EVC2: variants seen among roughly 807,000 people sequenced by gnomAD.
The protein encoded by EVC2 is limbin.
A neutral mutation model predicts 149.3 loss-of-function variants in EVC2; 148 were observed. The ratio of observed to expected loss-of-function variants is 0.99; its 90% CI spans 0.87 to 1.14. EVC2 has a LOEUF of 1.14. Ranked by LOEUF, EVC2 falls within the 50% of genes most tolerant of loss-of-function variation. The pLI, the probability that EVC2 is intolerant of heterozygous loss-of-function variation, is 0.00. For missense variants in EVC2, 1,854 were observed against 1,627.3 expected (o/e 1.14, Z -2.40); for synonymous variants, 776 against 649.9 (o/e 1.19, Z -2.95).
At position 5,584,762 on chromosome 4, in the gene EVC2, T is replaced by A. The variant is rs765539605; in HGVS notation, c.2918A>T (p.Gln973Leu). Residue 973 changes from glutamine (Q) to leucine (L), a missense_variant, in exon 17 of 22, where the codon CAG becomes CTG. By Grantham distance (113) the Gln-to-Leu change is moderately radical. Coordinates refer to ENST00000344408, the MANE Select transcript of EVC2 (RefSeq NM_147127.5). ...AGTCTCGGTCACCCGGGACGCCTTC[T>A]GGAACTGCAGAGCAACAAGCGACTG... Reference protein sequence around the residue: ...FAQSLVALQFQKASRVTETLS... With the variant: ...FAQSLVALQFLKASRVTETLS... The A allele has an allele frequency of 6.2e-7, 1 of 1,614,196 alleles. No homozygotes were observed. The highest frequency in any genetic ancestry group is 1.1e-5 in the South Asian group (1 of 91,084).
chr4:5,674,373 C>G (rs940822574), intron 7 of EVC2, among the ~76,000 whole-genome samples: 4 of 152,160 alleles, frequency 2.6e-5, no homozygotes, highest in Admixed American at 2.0e-4. Context: ...TTCCCAGAGC[C>G]TCCCTGGACA....
chr4:5,708,581 G>A (rs1577285344), upstream of EVC2: 1 of 1,141,356 alleles, frequency 8.8e-7, no homozygotes, highest in Non-Finnish European at 1.2e-6. Context: ...CGGACCCCAG[G>A]CCCGCCCCGC....
At position 5,622,806 on chromosome 4, in the gene EVC2, A is replaced by C. The variant is rs1577170483; in HGVS notation, c.2232T>G (p.Phe744Leu). Residue 744 changes from phenylalanine to leucine, a missense_variant, in exon 14 of 22, where the codon TTT becomes TTG. By Grantham distance (22) the Phe-to-Leu change is conservative (BLOSUM62 0). Transcript: ENST00000344408. This position sits in a 1 kb window ranked among gnomAD's most constrained non-coding sequence, Gnocchi z 5.8. ...DDLRTLTLSLFEKATDELRRL... is the reference protein window; with the variant it reads ...DDLRTLTLSLLEKATDELRRL... ...GCCGCAGCTCGTCGGTGGCCTTTTCAAACAGCGAAAGGGTCAGGGTCCTGA... is the reference window on the plus strand; with the variant it reads ...GCCGCAGCTCGTCGGTGGCCTTTTCCAACAGCGAAAGGGTCAGGGTCCTGA... 6.2e-7 allele frequency: 1 copy of C among 1,614,004 alleles called. No individual in the cohort carries two copies. Among genetic ancestry groups the C allele is most frequent in the Non-Finnish European group, 8.5e-7 (1 of 1,180,002 alleles).
intron 20 of EVC2, among the ~76,000 whole-genome samples, chr4:5,566,625 G>A (rs1201459975): frequency 1.3e-5 from 2 of 152,190 alleles, no homozygotes; most frequent in Non-Finnish European, 2.9e-5. Flanking sequence ...CAGAGATTGG[G>A]TTAGTGGCCT....
intron 11 of EVC2, among the ~76,000 whole-genome samples, chr4:5,630,709 C>G (rs1247673936): frequency 6.6e-6 from 1 of 152,144 alleles, no homozygotes; most frequent in Non-Finnish European, 1.5e-5. Context: ...CCTGACTCTG[C>G]CAGATGCTGC....
chr4:5,531,243 G>A, the EVC2 span, among the ~76,000 whole-genome samples: 1 of 152,132 alleles, frequency 6.6e-6, no homozygotes. Flanking sequence ...GTATTACCCA[G>A]GGCGCTCCAG....
chr4:5,575,753 C>T (rs561828688), intron 18 of EVC2, among the ~76,000 whole-genome samples: 5 of 152,234 alleles, frequency 3.3e-5, no homozygotes, highest in South Asian at 2.1e-4. Flanking sequence ...TGAAAAACAA[C>T]GCAAAGAACA....
Position 5,562,712 on chromosome 4 carries a change from A to G in EVC2, c.*136T>C. The G allele has an allele frequency of 6.5e-7, 1 of 1,547,540 alleles. No individual in the cohort carries two copies. Among genetic ancestry groups the G allele is most frequent in the East Asian group, 2.3e-5 (1 of 43,844 alleles). On this transcript the variant is annotated 3_prime_UTR_variant, in exon 22 of 22. Transcript: ENST00000344408. This position sits in a 1 kb window ranked among gnomAD's most constrained non-coding sequence, Gnocchi z 4.3. ...TTAAACCGAGTCCCTGCAAGTTGGCATGCGCTACGGGGTCTGTGCCTTCTG... is the reference window on the plus strand; with the variant it reads ...TTAAACCGAGTCCCTGCAAGTTGGCGTGCGCTACGGGGTCTGTGCCTTCTG...
At chr4:5,655,797 G>A (rs1301089559) in intron 9 of EVC2, among the ~76,000 whole-genome samples, 1 of 151,258 alleles carries the variant, frequency 6.6e-6, no homozygotes, top group South Asian at 2.1e-4. Context: ...GAGGGAGGGA[G>A]GGAGGGAGGA....
intron 8 of EVC2, 151 bp from the exon 9 acceptor site, chr4:5,663,397 G>A (rs1301794636): frequency 2.8e-5 from 28 of 987,830 alleles, no homozygotes; most frequent in Admixed American, 1.1e-4. Context: ...AAGCTTTTGC[G>A]AATGTCCCTG....
In EVC2 at chr4:5,614,215, A is replaced by G. The variant is rs1336516900; in HGVS notation, c.2829+1207T>C. Among the ~76,000 whole-genome samples the G allele has an allele frequency of 6.6e-6, 1 of 152,106 alleles. No individual in the cohort carries two copies. Among genetic ancestry groups the G allele is most frequent in the African/African-American group, 2.4e-5 (1 of 41,428 alleles). ...CTACAGTCCACCCTGCTGCCAGCCT[A>G]CTTCACCTGTAAGGTCACATTATCT... On this transcript the variant is annotated intron_variant, in intron 16 of 21. Transcript: ENST00000344408. This position sits in a 1 kb window ranked among gnomAD's most constrained non-coding sequence, Gnocchi z 4.7.
chr4:5,588,896 A>T (rs961222491), intron 16 of EVC2, among the ~76,000 whole-genome samples: 7 of 152,238 alleles, frequency 4.6e-5, no homozygotes, highest in Non-Finnish European at 8.8e-5. Context: ...TGAGCAGTAC[A>T]ATATAAATAA....
chr4:5,606,429 A>G (rs1379485670), intron 16 of EVC2, among the ~76,000 whole-genome samples: 1 of 152,220 alleles, frequency 6.6e-6, no homozygotes, highest in African/African-American at 2.4e-5. Flanking sequence ...TCACCTTGGT[A>G]GTGGGAGTAA....
At chr4:5,548,311 T>C (rs1721659940) in intron 21 of EVC2, among the ~76,000 whole-genome samples, 1 of 150,612 alleles carries the variant, frequency 6.6e-6, no homozygotes, top group African/African-American at 2.4e-5. Context: ...TCAAAACTTC[T>C]CTTCACCTGG....
chr4:5,642,575 C>A (rs13127104), intron 9 of EVC2, among the ~76,000 whole-genome samples: 6,363 of 152,264 alleles, frequency 0.042, 193 homozygotes, highest in Middle Eastern at 0.095. Context: ...TTTTACAGAG[C>A]TCTAGATACT....
At position 5,574,771 on chromosome 4, in the gene EVC2, A is replaced by T. The variant is rs762129092; in HGVS notation, c.3274T>A (p.Leu1092Met). The T allele has an allele frequency of 6.8e-6, 11 of 1,614,012 alleles. No homozygotes were observed. Among genetic ancestry groups the T allele is most frequent in the African/African-American group, 1.3e-5 (1 of 74,936 alleles). ...QTLLEQHQQC[L>M]REEQQNSVVL... ...ACACTGTTCTGTTGTTCCTCTCTCA[A>T]ACTGGAGTGAAAATAAAATATACGT... Residue 1092 changes from leucine to methionine, a missense_variant and splice_region_variant, in exon 19 of 22, where the codon TTG (leucine) becomes ATG (methionine). Physicochemically the swap from Leu to Met is conservative, Grantham distance 15 (BLOSUM62 2). Coordinates refer to ENST00000344408, the MANE Select transcript of EVC2 (RefSeq NM_147127.5).
At chr4:5,643,856 C>T (rs981635223) in intron 9 of EVC2, among the ~76,000 whole-genome samples, 4 of 152,040 alleles carry the variant, frequency 2.6e-5, no homozygotes, top group Non-Finnish European at 4.4e-5. Context: ...GATTGCACCA[C>T]GGCACTCCAG....
intron 1 of EVC2, among the ~76,000 whole-genome samples, chr4:5,704,986 A>T (rs1412819661): frequency 6.6e-6 from 1 of 152,182 alleles, no homozygotes; most frequent in East Asian, 1.9e-4. Context: ...TTGGGATTAC[A>T]GGCGTGAGCT....
chr4:5,681,199 G>A (rs1720315655), intron 7 of EVC2, 61 bp downstream of exon 7: 1 of 1,583,298 alleles, frequency 6.3e-7, no homozygotes, highest in African/African-American at 1.3e-5. Context: ...TCCAAGGACA[G>A]GCAGGACCCA....
Sources: gnomAD v4.1 joint callset for allele counts (sites outside exome capture counted in the v4.1 genomes callset) on GRCh38, gnomAD v4.1.1 for gene constraint, Gnocchi (gnomAD v3.1) non-coding constraint, MANE v1.5 for transcripts, NCBI Gene and HGNC (gene_info 2026-07-23, HGNC 2026-07-21) for gene names.